MCU: variants seen among roughly 807,000 people sequenced by gnomAD.
MCU encodes the protein mitochondrial calcium uniporter, also known as calcium uniporter protein, mitochondrial.
In MCU, 12 loss-of-function variants were observed where a neutral mutation model predicts 45.2. That is an observed-to-expected ratio of 0.27 (90% CI 0.17 to 0.43). The LOEUF (loss-of-function observed/expected upper bound fraction) is 0.43, where lower values mean the gene tolerates loss of function less well. Ranked by LOEUF, MCU falls within the 20% of genes least tolerant of loss-of-function variation. MCU has a pLI of 1.00. For missense variants in MCU, 324 were observed against 436.7 expected (o/e 0.74, Z 2.30); for synonymous variants, 160 against 165.1 (o/e 0.97, Z 0.24).
At chr10:72,731,465 A>G (rs1055986653) in intron 1 of MCU, among the ~76,000 whole-genome samples, 1 of 152,156 alleles carries the variant, frequency 6.6e-6, no homozygotes, top group Non-Finnish European at 1.5e-5. Flanking sequence ...TCCAGTTCGC[A>G]TAACATAACA....
chr10:72,800,487 A>G (rs1844322292), intron 1 of MCU, among the ~76,000 whole-genome samples: 1 of 152,160 alleles, frequency 6.6e-6, no homozygotes, highest in Non-Finnish European at 1.5e-5. Flanking sequence ...GATAGAGAAT[A>G]CTCAACCGGT....
chr10:72,841,344 C>T (rs1230982255), intron 2 of MCU, among the ~76,000 whole-genome samples: 1 of 152,016 alleles, frequency 6.6e-6, no homozygotes, highest in Admixed American at 6.6e-5. Context: ...CTCTTGTCAC[C>T]AGGCTGAAGT....
intron 1 of MCU, among the ~76,000 whole-genome samples, chr10:72,831,656 TG>T (rs1374098732): frequency 5.9e-5 from 9 of 152,134 alleles, no homozygotes; most frequent in African/African-American, 1.7e-4. Flanking sequence ...GTTAAATGTA[TG>T]GGGGGAAAAT....
rs757965085 is a variant in MCU, at chr10:72,834,346, T to C, written c.151-13T>C. ...TCCATTCTGACAGTAGATGTATCTT[T>C]TGTGTTTTCTAGGTACACCAGAGGA... On this transcript the variant is annotated splice_polypyrimidine_tract_variant and intron_variant, in intron 1 of 7. Coordinates refer to ENST00000373053, the MANE Select transcript of MCU (RefSeq NM_138357.3). The C allele has an allele frequency of 1.2e-6, 2 of 1,609,866 alleles. No homozygotes were observed. Among genetic ancestry groups the C allele is most frequent in the Non-Finnish European group, 1.7e-6 (2 of 1,176,358 alleles).
In MCU at chr10:72,880,524, ACT is replaced by A. The variant is rs1845686033; in HGVS notation, c.862-3739_862-3738del. On this transcript the variant is annotated intron_variant, in intron 6 of 7. Transcript: ENST00000373053. The stretch of plus-strand genomic sequence containing the variant: ...AATATATGTATAAAAAATGTATAAG[ACT>A]CTATCCAAAAATGTCAGTTCTACTC... Among the ~76,000 whole-genome samples the A allele has an allele frequency of 2.0e-5, 3 of 152,118 alleles. No individual in the cohort carries two copies. The South Asian group carries it at 6.2e-4, about 32-fold the overall frequency.
At chr10:72,837,949 C>T (rs535275124) in intron 2 of MCU, among the ~76,000 whole-genome samples, 49 of 151,522 alleles carry the variant, frequency 3.2e-4, no homozygotes, top group Non-Finnish European at 5.6e-4. Flanking sequence ...TTCCGCCTCC[C>T]GGGTTCAAGT....
At chr10:72,765,786 C>CAAAAAAAAA (rs36071651) in intron 1 of MCU, among the ~76,000 whole-genome samples, 1 of 63,218 alleles carries the variant, frequency 1.6e-5, no homozygotes, top group Non-Finnish European at 3.4e-5. Flanking sequence ...GACGCTGTCT[C>CAAAAAAAAA]AAAAAAAAAA....
chr10:72,700,058 A>ATTTTTT (rs71021525), intron 1 of MCU, among the ~76,000 whole-genome samples: 3 of 135,386 alleles, frequency 2.2e-5, no homozygotes, highest in Non-Finnish European at 3.1e-5. Flanking sequence ...TTGGGGTCAA[A>ATTTTTT]TTTTTTTTTT....
chr10:72,730,444 A>G (rs1474292616), intron 1 of MCU: 3 of 150,932 alleles, frequency 2.0e-5, no homozygotes, highest in African/African-American at 4.9e-5. Context: ...ACATGCCACC[A>G]TGCCCAGCTA....
At chr10:72,870,574 G>A (rs935363425) in intron 5 of MCU, among the ~76,000 whole-genome samples, 4 of 152,066 alleles carry the variant, frequency 2.6e-5, no homozygotes, top group South Asian at 2.1e-4. Context: ...GAGCCACCGC[G>A]CCCAGCTTTA....
intron 1 of MCU, among the ~76,000 whole-genome samples, chr10:72,808,806 C>T (rs1844494171): frequency 6.6e-6 from 1 of 152,138 alleles, no homozygotes; most frequent in Non-Finnish European, 1.5e-5. Context: ...GGGGGAAGTG[C>T]TACACACTTT....
intron 6 of MCU, among the ~76,000 whole-genome samples, chr10:72,883,794 T>C (rs1459063049): frequency 6.6e-6 from 1 of 152,196 alleles, no homozygotes; most frequent in Non-Finnish European, 1.5e-5. Flanking sequence ...AACCTAATAC[T>C]GAGTGAAGGT....
chr10:72,761,180 A>G (rs1297335909), intron 1 of MCU, among the ~76,000 whole-genome samples: 1 of 152,230 alleles, frequency 6.6e-6, no homozygotes, highest in African/African-American at 2.4e-5. Flanking sequence ...GTGAAGATCA[A>G]TATTGCTAAT....
In MCU at chr10:72,742,657, G is replaced by A. The variant is rs530786312; in HGVS notation, c.150+50356G>A. Among the ~76,000 whole-genome samples the A allele has an allele frequency of 3.3e-5, 5 of 152,280 alleles. No homozygotes were observed. The East Asian group carries it at 9.6e-4, about 29-fold the overall frequency. On this transcript the variant is annotated intron_variant, in intron 1 of 7. Coordinates refer to ENST00000373053, the MANE Select transcript of MCU (RefSeq NM_138357.3). The stretch of plus-strand genomic sequence containing the variant: ...AAGATAAGTCAAACATGTCTTGCCT[G>A]CAAACTTTCACACATATAAGTGTGC...
chr10:72,865,110 T>A (rs1845433391), intron 4 of MCU, among the ~76,000 whole-genome samples: 1 of 152,232 alleles, frequency 6.6e-6, no homozygotes, highest in South Asian at 2.1e-4. Flanking sequence ...CCGTATTTTT[T>A]AAACAGAAAT....
chr10:72,862,277 G>A (rs1229840718), intron 4 of MCU, among the ~76,000 whole-genome samples: 3 of 151,976 alleles, frequency 2.0e-5, no homozygotes, highest in African/African-American at 4.8e-5. Context: ...CACCGCACCC[G>A]GCCGAGTTGT....
rs770728826 is a variant in MCU at position 72,780,552 on chromosome 10, T to TGTGTGTGTGTGTGTGTG, written c.151-53806_151-53805insTGTGTGTGTGTGTGTGG. ...TGTGTGTGTGTGTGTGTGTGTGTGTTGGGTGAATTTGGAAGAGAGGAAGAG... is the reference window on the plus strand; with the variant it reads ...TGTGTGTGTGTGTGTGTGTGTGTGTTGTGTGTGTGTGTGTGTGGGGTGAATTTGGAAGAGAGGAAGAG... On this transcript the variant is annotated intron_variant, in intron 1 of 7. Transcript: ENST00000373053. 1.1e-3 allele frequency among the ~76,000 whole-genome samples: 23 copies of TGTGTGTGTGTGTGTGTG among 20,316 alleles called. 1 individual carries two copies. The highest frequency in any genetic ancestry group is 4.6e-3 in the East Asian group (2 of 432). The allele number at this position is 20,316 out of a possible 152,430, so 13.3% of individuals were successfully genotyped here.
chr10:72,698,114 T>G (rs533845477), intron 1 of MCU, among the ~76,000 whole-genome samples: 1 of 152,160 alleles, frequency 6.6e-6, no homozygotes, highest in African/African-American at 2.4e-5. Flanking sequence ...TCATAAAATA[T>G]CTGAATAAAT....
intron 1 of MCU, among the ~76,000 whole-genome samples, chr10:72,763,893 A>C (rs1030365396): frequency 4.6e-5 from 7 of 152,142 alleles, no homozygotes; most frequent in African/African-American, 1.7e-4. Flanking sequence ...GTGTAAGGTA[A>C]TATTAATACT....
Sources: allele counts gnomAD v4.1 joint callset (sites outside exome capture counted in the v4.1 genomes callset), GRCh38; gene constraint gnomAD v4.1.1; transcripts MANE v1.5; gene names NCBI Gene and HGNC (gene_info 2026-07-23, HGNC 2026-07-21).